The following FHIT variants were observed in gnomAD, a reference collection of about 807,000 sequenced individuals.
FHIT encodes fragile histidine triad diadenosine triphosphatase, also known as bis(5'-adenosyl)-triphosphatase.
A neutral mutation model predicts 17.9 loss-of-function variants in FHIT; 19 were observed. The observed-to-expected ratio is 1.06, with a 90% CI of 0.74 to 1.56. The LOEUF is 1.56. Ranked by LOEUF, FHIT falls within the 40% of genes most tolerant of loss-of-function variation. The pLI, the probability that FHIT is intolerant of heterozygous loss-of-function variation, is 0.00. For missense variants in FHIT, 248 were observed against 189.2 expected, an observed-to-expected ratio of 1.31 and a Z score of -1.82; for synonymous variants, 81 against 69.7, an observed-to-expected ratio of 1.16 and a Z score of -0.81.
chr3:60,915,053 G>GC (rs1553766807), intron 3 of FHIT, among the ~76,000 whole-genome samples: 1 of 152,088 alleles, frequency 6.6e-6, no homozygotes, highest in Non-Finnish European at 1.5e-5. Context: ...CCGAACACTT[G>GC]TTTTTTTACA....
At chr3:60,588,856 G>T (rs183437581) in intron 4 of FHIT, among the ~76,000 whole-genome samples, 1 of 152,026 alleles carries the variant, frequency 6.6e-6, no homozygotes, top group African/African-American at 2.4e-5. Context: ...ACCCTAAGAA[G>T]TGACTTGTAT....
intron 4 of FHIT, among the ~76,000 whole-genome samples, chr3:60,588,617 T>A (rs2037981680): frequency 6.6e-6 from 1 of 152,006 alleles, no homozygotes; most frequent in African/African-American, 2.4e-5. Context: ...CAAGACTGCA[T>A]TTGCACACAC....
At chr3:59,982,235 C>T (rs901336547) in intron 7 of FHIT, among the ~76,000 whole-genome samples, 1 of 151,778 alleles carries the variant, frequency 6.6e-6, no homozygotes, top group African/African-American at 2.4e-5. Context: ...TAAATAAACA[C>T]AAAATAACAT....
chr3:60,654,658 G>A (rs1553689151), intron 4 of FHIT, among the ~76,000 whole-genome samples: 1 of 152,136 alleles, frequency 6.6e-6, no homozygotes, highest in East Asian at 1.9e-4. Context: ...TGATTTAAAG[G>A]AAGAGAATCC....
At chr3:60,253,657 T>C in intron 5 of FHIT, among the ~76,000 whole-genome samples, 1 of 152,186 alleles carries the variant, frequency 6.6e-6, no homozygotes, top group African/African-American at 2.4e-5. Flanking sequence ...CAAAGCCCAC[T>C]GTCCAATACT....
intron 3 of FHIT, among the ~76,000 whole-genome samples, chr3:60,858,449 A>T (rs555664814): frequency 0.011 from 1,655 of 152,270 alleles, 31 homozygotes; most frequent in African/African-American, 0.038. Flanking sequence ...TGAAAACTCG[A>T]TTAAAACATT....
At chr3:60,250,028 T>C (rs965912099) in intron 5 of FHIT, among the ~76,000 whole-genome samples, 2 of 152,098 alleles carry the variant, frequency 1.3e-5, no homozygotes, top group Non-Finnish European at 2.9e-5. Flanking sequence ...TATCTCCACC[T>C]GTCCCTGCTC....
chr3:60,124,129 T>C (rs907665477), intron 5 of FHIT, among the ~76,000 whole-genome samples: 1 of 149,166 alleles, frequency 6.7e-6, no homozygotes, highest in Non-Finnish European at 1.5e-5. Context: ...CATGGCTCAT[T>C]GTAGCTTTGA....
At chr3:61,062,394 C>T (rs77561822) in intron 2 of FHIT, among the ~76,000 whole-genome samples, 2,960 of 152,238 alleles carry the variant, frequency 0.019, 108 homozygotes, top group African/African-American at 0.067. Context: ...CTCAAAATAT[C>T]CTTTTGCCCC....
At chr3:60,465,188 C>A (rs1283211774) in intron 5 of FHIT, among the ~76,000 whole-genome samples, 1 of 151,980 alleles carries the variant, frequency 6.6e-6, no homozygotes, top group Non-Finnish European at 1.5e-5. Flanking sequence ...AATGTCTATC[C>A]AGATCTCTGC....
chr3:60,849,536 C>T (rs1356194473), intron 3 of FHIT, among the ~76,000 whole-genome samples: 2 of 150,774 alleles, frequency 1.3e-5, no homozygotes, highest in Admixed American at 1.3e-4. Context: ...TCCGATCCAA[C>T]AGAGTAAGTG....
chr3:61,106,240 T>C (rs143023922), intron 2 of FHIT, among the ~76,000 whole-genome samples: 122 of 152,312 alleles, frequency 8.0e-4, no homozygotes, highest in Non-Finnish European at 1.4e-3. Context: ...TATGTATACA[T>C]TGTGAAATGA....
At chr3:60,281,631 A>AAAG (rs1553731378) in intron 5 of FHIT, among the ~76,000 whole-genome samples, 3 of 132,940 alleles carry the variant, frequency 2.3e-5, no homozygotes, top group East Asian at 4.4e-4. Context: ...AAAAAAAAAA[A>AAAG]GGGGGGATCT....
intron 2 of FHIT, among the ~76,000 whole-genome samples, chr3:61,058,746 T>C (rs2034317789): frequency 6.6e-6 from 1 of 152,226 alleles, no homozygotes. Context: ...TAGTTCTTTA[T>C]AGCAATGCAA....
chr3:61,117,545 T>C (rs1559995332), intron 2 of FHIT, among the ~76,000 whole-genome samples: 1 of 152,306 alleles, frequency 6.6e-6, no homozygotes, highest in South Asian at 2.1e-4. Flanking sequence ...GACAAAGGAA[T>C]GCAAACAGGG....
At chr3:60,094,111 G>A (rs1223486743) in intron 5 of FHIT, among the ~76,000 whole-genome samples, 1 of 152,096 alleles carries the variant, frequency 6.6e-6, no homozygotes, top group East Asian at 1.9e-4. Context: ...AAAACAGAGA[G>A]ACAGTGTTAC....
intron 4 of FHIT, among the ~76,000 whole-genome samples, chr3:60,655,985 T>TA (rs1435140455): frequency 6.6e-6 from 1 of 152,204 alleles, no homozygotes; most frequent in Non-Finnish European, 1.5e-5. Context: ...TGGGTAAACT[T>TA]ATTACTGCAC....
rs539665435 is a variant in FHIT, at chr3:60,466,675, A to G, written c.103+70185T>C. On this transcript the variant is annotated intron_variant, in intron 5 of 9. Coordinates refer to ENST00000492590, the MANE Select transcript of FHIT (RefSeq NM_002012.4). ...TGTTCATATGATGTATCATTGATTG[A>G]TTTGCATATGTTGAACCATCCTTGC... Among the ~76,000 whole-genome samples the G allele has an allele frequency of 2.0e-5, 3 of 152,072 alleles. No homozygotes were observed. In the South Asian group the frequency reaches 6.2e-4, roughly 32 times the overall value.
intron 5 of FHIT, among the ~76,000 whole-genome samples, chr3:60,408,365 A>T (rs2107215998): frequency 6.6e-6 from 1 of 152,190 alleles, no homozygotes; most frequent in African/African-American, 2.4e-5. Context: ...TAATCCACAT[A>T]TGTCTATCCG....
Sources: gnomAD v4.1 joint callset for allele counts (sites outside exome capture counted in the v4.1 genomes callset) on GRCh38, gnomAD v4.1.1 for gene constraint, MANE v1.5 for transcripts, NCBI Gene and HGNC (gene_info 2026-07-23, HGNC 2026-07-21) for gene names.